Variants in ZNF678 observed in about 807,000 individuals in gnomAD.
ZNF678 encodes zinc finger protein 678.
Under a neutral mutation model 3.0 loss-of-function variants are expected in ZNF678, and 5 were observed. That is an observed-to-expected ratio of 1.69 (90% CI 0.88 to 3.56). The LOEUF (loss-of-function observed/expected upper bound fraction) is 3.56, where lower values mean the gene tolerates loss of function less well. ZNF678 is among the 30% of genes most tolerant of loss of function. The probability of loss-of-function intolerance (pLI) is 0.00; values close to 1 mark genes in which losing one functional copy is unlikely to be tolerated. For synonymous variants in ZNF678, 218 were observed against 199.6 expected, an observed-to-expected ratio of 1.09 and a Z score of -0.78; for missense variants, 593 against 605.0, an observed-to-expected ratio of 0.98 and a Z score of 0.21.
At chr1:227,636,040 C>A (rs906782893) in intron 1 of ZNF678, among the ~76,000 whole-genome samples, 3 of 152,066 alleles carry the variant, frequency 2.0e-5, no homozygotes, top group African/African-American at 7.2e-5. Flanking sequence ...TCCATCGTGT[C>A]GTTGTAGCAG....
chr1:227,631,461 G>T (rs1658545636), intron 1 of ZNF678, among the ~76,000 whole-genome samples: 1 of 152,172 alleles, frequency 6.6e-6, no homozygotes, highest in East Asian at 1.9e-4. Context: ...CAACCCAATT[G>T]CCCCATCAAG....
intron 1 of ZNF678, among the ~76,000 whole-genome samples, chr1:227,611,996 G>C (rs1658032960): frequency 6.6e-6 from 1 of 152,164 alleles, no homozygotes; most frequent in Non-Finnish European, 1.5e-5. Context: ...GTCAGTTTCT[G>C]TCCCTCCAGC....
chr1:227,608,309 A>G (rs1316462331), intron 1 of ZNF678, among the ~76,000 whole-genome samples: 1 of 152,128 alleles, frequency 6.6e-6, no homozygotes, highest in Non-Finnish European at 1.5e-5. Context: ...AGTACTAAGA[A>G]GGAAGCATGG....
intron 1 of ZNF678, among the ~76,000 whole-genome samples, chr1:227,620,769 T>G (rs1233733981): frequency 6.6e-6 from 1 of 152,210 alleles, no homozygotes; most frequent in Non-Finnish European, 1.5e-5. Flanking sequence ...GTATGAGTAA[T>G]AGCGTACAGT....
chr1:227,574,426 G>A (rs898946060), intron 1 of ZNF678, among the ~76,000 whole-genome samples: 2 of 152,188 alleles, frequency 1.3e-5, no homozygotes, highest in African/African-American at 4.8e-5. Context: ...GATCAGTTAT[G>A]TTGAGCATTT....
chr1:227,563,586 T>C lies in ZNF678; in HGVS notation c.-302T>C. 1 of 900,030 alleles carries C rather than the reference T, an allele frequency of 1.1e-6. No individual in the cohort carries two copies. Among genetic ancestry groups the C allele is most frequent in the Non-Finnish European group, 1.6e-6 (1 of 619,094 alleles). 55.8% of individuals were successfully genotyped at this position (900,030 alleles called of 1,614,324 possible). A position where few individuals can be genotyped will look rare whatever the true frequency, so the allele number is the denominator to read the frequency against. On this transcript the variant is annotated 5_prime_UTR_variant, in exon 1 of 4. Transcript: ENST00000343776. ...TCTTGTGCTCCAGCTGGAGCTTTGG[T>C]CCCGTATTCTCGGCTATTTATCCCC...
intron 5 of ZNF678, among the ~76,000 whole-genome samples, chr1:227,667,845 T>C (rs1308743459): frequency 6.6e-6 from 1 of 152,322 alleles, no homozygotes; most frequent in Middle Eastern, 3.4e-3. Context: ...ATGAAACATA[T>C]GAACACATTA....
At chr1:227,677,745 A>G (rs190590666), downstream of ZNF678, among the ~76,000 whole-genome samples, 10 of 152,338 alleles carry the variant, frequency 6.6e-5, no homozygotes, top group Admixed American at 5.2e-4. Flanking sequence ...AGTTTACAGT[A>G]GGGCATCACC....
chr1:227,605,057 A>G (rs1194206441), intron 1 of ZNF678, among the ~76,000 whole-genome samples: 1 of 151,934 alleles, frequency 6.6e-6, no homozygotes, highest in East Asian at 1.9e-4. Context: ...GGGTTTCACC[A>G]TGTTAGCCAG....
At chr1:227,669,635 C>A (rs1478142043) in intron 5 of ZNF678, among the ~76,000 whole-genome samples, 1 of 127,074 alleles carries the variant, frequency 7.9e-6, no homozygotes, top group South Asian at 2.8e-4. Flanking sequence ...GGAGACAGAG[C>A]GAGACCGTCT....
At chr1:227,620,268 G>A (rs1174215298) in intron 1 of ZNF678, among the ~76,000 whole-genome samples, 1 of 152,120 alleles carries the variant, frequency 6.6e-6, no homozygotes. Flanking sequence ...GGTTACCCAA[G>A]TTGCTCCTTT....
chr1:227,635,515 T>TTGTGTGTGTGTGTGTGTGTGTGTG (rs56135481), intron 1 of ZNF678, among the ~76,000 whole-genome samples: 32 of 128,008 alleles, frequency 2.5e-4, no homozygotes, highest in African/African-American at 3.3e-4. Context: ...GGGTGAACAT[T>TTGTGTGTGTGTGTGTGTGTGTGTG]TGTGTGTGTG....
At chr1:227,579,012 G>T (rs1402942117) in intron 1 of ZNF678, among the ~76,000 whole-genome samples, 1 of 152,092 alleles carries the variant, frequency 6.6e-6, no homozygotes, top group Non-Finnish European at 1.5e-5. Flanking sequence ...AGATTTTAGG[G>T]GGCCAGCACT....
At position 227,661,243 on chromosome 1, in the gene ZNF678, A is replaced by T. The variant is rs1279929297; in HGVS notation, c.*5415A>T. 4 of 151,980 alleles carry T rather than the reference A, an allele frequency of 2.6e-5. No individual in the cohort carries two copies. The highest frequency in any genetic ancestry group is 4.8e-5 in the African/African-American group (2 of 41,346). 9.4% of individuals were successfully genotyped at this position (151,980 alleles called of 1,614,324 possible). ...TAAATCTCAACCAGAACCTTCTCAG[A>T]TATTTTGTTGAACGTGGGACCTTTG... On this transcript the variant is annotated 3_prime_UTR_variant, in exon 4 of 4. Coordinates refer to ENST00000343776, the MANE Select transcript of ZNF678 (RefSeq NM_001367909.1).
intron 1 of ZNF678, among the ~76,000 whole-genome samples, chr1:227,608,418 A>G (rs1456687009): frequency 6.6e-6 from 1 of 152,176 alleles, no homozygotes; most frequent in Admixed American, 6.5e-5. Flanking sequence ...TGTCTTTACA[A>G]ATTTATTCAA....
At chr1:227,616,198 C>T (rs1257989014) in intron 1 of ZNF678, among the ~76,000 whole-genome samples, 1 of 152,170 alleles carries the variant, frequency 6.6e-6, no homozygotes, top group Non-Finnish European at 1.5e-5. Flanking sequence ...ATTCCTTTAC[C>T]TTCACCAAAG....
chr1:227,644,592 C>T (rs1658909363), intron 1 of ZNF678, among the ~76,000 whole-genome samples: 1 of 152,062 alleles, frequency 6.6e-6, no homozygotes, highest in Non-Finnish European at 1.5e-5. Flanking sequence ...CATGATGGGC[C>T]TAGGAGGATC....
At chr1:227,644,907 A>G (rs1658917324) in intron 1 of ZNF678, among the ~76,000 whole-genome samples, 1 of 152,182 alleles carries the variant, frequency 6.6e-6, no homozygotes, top group South Asian at 2.1e-4. Flanking sequence ...AGGGTCAAGC[A>G]TGAGGGCCCT....
In ZNF678 at chr1:227,645,134, A is replaced by G. The variant is rs546521159; in HGVS notation, c.-163-1410A>G. Among the ~76,000 whole-genome samples the G allele has an allele frequency of 2.0e-5, 3 of 152,228 alleles. 1 individual carries two copies. The highest frequency in any genetic ancestry group is 2.4e-5 in the African/African-American group (1 of 41,454). ...TAGGAGCTCATTGTTCCTGTCCTGT[A>G]TGATGAAGAAACAGGAGAGTAGCTT... On this transcript the variant is annotated intron_variant, in intron 1 of 3. Coordinates refer to ENST00000343776, the MANE Select transcript of ZNF678 (RefSeq NM_001367909.1).
Sources: allele counts gnomAD v4.1 joint callset (sites outside exome capture counted in the v4.1 genomes callset), GRCh38; gene constraint gnomAD v4.1.1; transcripts MANE v1.5; gene names NCBI Gene and HGNC (gene_info 2026-07-23, HGNC 2026-07-21).